The following SLCO2A1 variants were observed in gnomAD, a reference collection of about 807,000 sequenced individuals.
The protein encoded by SLCO2A1 is solute carrier organic anion transporter family member 2A1.
SLCO2A1 carries 60 observed loss-of-function variants against 71.7 expected under a neutral mutation model. That is an observed-to-expected ratio of 0.84 (90% CI 0.68 to 1.04). The LOEUF is 1.04. Among genes scored for constraint, SLCO2A1 ranks in the 50% least tolerant of loss-of-function variants. The pLI, the probability that SLCO2A1 is intolerant of heterozygous loss-of-function variation, is 0.00. For synonymous variants in SLCO2A1, 308 were observed against 326.7 expected, an observed-to-expected ratio of 0.94 and a Z score of 0.62; for missense variants, 745 against 813.4, an observed-to-expected ratio of 0.92 and a Z score of 1.02.
chr3:133,996,196 C>T (rs1376119053), intron 1 of SLCO2A1, among the ~76,000 whole-genome samples: 1 of 152,186 alleles, frequency 6.6e-6, no homozygotes, highest in African/African-American at 2.4e-5. Context: ...GAGCCCTCAT[C>T]TGGGGGAACC....
chr3:133,953,611 G>T, intron 5 of SLCO2A1, 52 bp downstream of exon 5: 3 of 1,425,378 alleles, frequency 2.1e-6, no homozygotes, highest in Non-Finnish European at 2.0e-6. Flanking sequence ...GGGGGCTGGG[G>T]GCTGCTTTAT....
intron 9 of SLCO2A1, among the ~76,000 whole-genome samples, chr3:133,945,750 G>C (rs561644008): frequency 1.3e-5 from 2 of 152,252 alleles, no homozygotes; most frequent in Admixed American, 1.3e-4. Flanking sequence ...GATTTCACTG[G>C]TTGATCTCAC....
At position 133,974,761 on chromosome 3, in the gene SLCO2A1, A is replaced by C. The variant is rs1016971053; in HGVS notation, c.235-936T>G. ...GGCCTTCTGACCACGTCTCCACCAAAGATGGTCCTCTCCTCAGAGCACAGT... is the reference window on the plus strand; with the variant it reads ...GGCCTTCTGACCACGTCTCCACCAACGATGGTCCTCTCCTCAGAGCACAGT... On this transcript the variant is annotated intron_variant, in intron 2 of 13. Transcript: ENST00000310926. 7.9e-5 allele frequency among the ~76,000 whole-genome samples: 12 copies of C among 152,254 alleles called. No individual in the cohort carries two copies. The East Asian group carries it at 2.3e-3, about 29-fold the overall frequency.
chr3:133,934,876 G>A (rs1933230220), intron 13 of SLCO2A1, 46 bp from the exon 14 acceptor site: 1 of 1,486,536 alleles, frequency 6.7e-7, no homozygotes, highest in East Asian at 2.3e-5. Flanking sequence ...GGGCTCTGCA[G>A]CCCACATCCC....
intron 5 of SLCO2A1, among the ~76,000 whole-genome samples, chr3:133,952,031 C>T (rs1933757388): frequency 6.6e-6 from 1 of 152,216 alleles, no homozygotes; most frequent in Non-Finnish European, 1.5e-5. Context: ...CATTGTGTTT[C>T]TCTGTGTAAA....
intron 3 of SLCO2A1, among the ~76,000 whole-genome samples, chr3:133,968,256 A>G (rs1256643047): frequency 6.7e-6 from 1 of 150,150 alleles, no homozygotes; most frequent in East Asian, 2.0e-4. Flanking sequence ...ACTCATAGAC[A>G]CGCCTCCCTC....
intron 1 of SLCO2A1, among the ~76,000 whole-genome samples, chr3:133,993,293 C>T (rs1192191161): frequency 6.6e-6 from 1 of 152,088 alleles, no homozygotes; most frequent in Non-Finnish European, 1.5e-5. Flanking sequence ...AGGGAAATAT[C>T]CTGCTTCCGT....
At chr3:133,938,372 T>C in intron 12 of SLCO2A1, 57 bp downstream of exon 12, 1 of 1,472,146 alleles carries the variant, frequency 6.8e-7, no homozygotes, top group Non-Finnish European at 9.5e-7. Flanking sequence ...ACCCATAGCC[T>C]TCAGATGCCC....
chr3:133,986,868 G>A (rs1021932301), intron 1 of SLCO2A1, among the ~76,000 whole-genome samples: 2 of 152,032 alleles, frequency 1.3e-5, no homozygotes, highest in Non-Finnish European at 2.9e-5. Flanking sequence ...GGCTTTTTTT[G>A]ATCTACATGT....
chr3:133,947,578 G>A (rs1005835786), intron 8 of SLCO2A1, 133 bp from the exon 9 acceptor site: 12 of 724,018 alleles, frequency 1.7e-5, no homozygotes, highest in African/African-American at 3.6e-5. Flanking sequence ...AATTGTAATC[G>A]AAGTAGCTGA....
chr3:133,940,606 G>C (rs1405241353), intron 11 of SLCO2A1, among the ~76,000 whole-genome samples: 1 of 152,168 alleles, frequency 6.6e-6, no homozygotes, highest in Non-Finnish European at 1.5e-5. Context: ...GTAGTTTTAT[G>C]TCAGGGCTGG....
At chr3:133,951,377 T>C (rs1576430869) in intron 5 of SLCO2A1, 33 bp from the exon 6 acceptor site, 1 of 1,611,776 alleles carries the variant, frequency 6.2e-7, no homozygotes, top group East Asian at 2.2e-5. Flanking sequence ...AAATGTTTGT[T>C]GAATGCATGA....
chr3:134,005,082 G>C (rs1441625949), intron 1 of SLCO2A1, among the ~76,000 whole-genome samples: 1 of 152,156 alleles, frequency 6.6e-6, no homozygotes, highest in Non-Finnish European at 1.5e-5. Context: ...AAGTATAGAG[G>C]GTAGGGCGAG....
intron 3 of SLCO2A1, among the ~76,000 whole-genome samples, chr3:133,968,976 G>A (rs1163630724): frequency 6.6e-6 from 1 of 152,120 alleles, no homozygotes; most frequent in Non-Finnish European, 1.5e-5. Flanking sequence ...AAAATGTTTA[G>A]CCCTTCTTTA....
At chr3:133,986,961 G>C (rs1164453033) in intron 1 of SLCO2A1, among the ~76,000 whole-genome samples, 2 of 152,166 alleles carry the variant, frequency 1.3e-5, no homozygotes, top group Non-Finnish European at 2.9e-5. Context: ...CGTGGTTATA[G>C]GAACACCAGC....
At chr3:133,998,079 G>T (rs776622179) in intron 1 of SLCO2A1, among the ~76,000 whole-genome samples, 5 of 152,160 alleles carry the variant, frequency 3.3e-5, no homozygotes, top group Non-Finnish European at 7.3e-5. Flanking sequence ...ATACAGGCAG[G>T]CTCCAGGAGG....
intron 1 of SLCO2A1, among the ~76,000 whole-genome samples, chr3:134,013,749 G>A (rs1242295270): frequency 6.6e-6 from 1 of 152,158 alleles, no homozygotes; most frequent in Non-Finnish European, 1.5e-5. Flanking sequence ...GTTACTCCAA[G>A]GTTTGGAGAG....
At chr3:134,009,996 G>C (rs1184975123) in intron 1 of SLCO2A1, among the ~76,000 whole-genome samples, 1 of 152,118 alleles carries the variant, frequency 6.6e-6, no homozygotes, top group Non-Finnish European at 1.5e-5. Context: ...GGGAGGGTTT[G>C]GTCAGTGTTT....
intron 1 of SLCO2A1, among the ~76,000 whole-genome samples, chr3:134,022,219 C>T (rs966191458): frequency 4.0e-5 from 6 of 151,540 alleles, no homozygotes; most frequent in African/African-American, 1.2e-4. Context: ...GAATTATCTG[C>T]GAAAGTCATG....
Sources: allele counts gnomAD v4.1 joint callset (sites outside exome capture counted in the v4.1 genomes callset), GRCh38; gene constraint gnomAD v4.1.1; transcripts MANE v1.5; gene names NCBI Gene and HGNC (gene_info 2026-07-23, HGNC 2026-07-21).